Variants in SLIT3 observed in about 807,000 individuals in gnomAD.
SLIT3 encodes slit guidance ligand 3.
Under a neutral mutation model 184.0 loss-of-function variants are expected in SLIT3, and 68 were observed. The ratio of observed to expected loss-of-function variants is 0.37; its 90% CI spans 0.30 to 0.45. SLIT3 has a LOEUF of 0.45. SLIT3 is among the 20% of genes least tolerant of loss of function. The pLI, the probability that SLIT3 is intolerant of heterozygous loss-of-function variation, is 1.00. For missense variants in SLIT3, 1,707 were observed against 2,026.0 expected (o/e 0.84, Z 3.02); for synonymous variants, 831 against 828.6 (o/e 1.00, Z -0.05).
intron 3 of SLIT3, among the ~76,000 whole-genome samples, chr5:169,235,176 C>T (rs1459775133): frequency 1.3e-5 from 2 of 152,112 alleles, no homozygotes; most frequent in Non-Finnish European, 2.9e-5. Flanking sequence ...AACCTCTTTG[C>T]CTAACTCTCA....
chr5:168,935,705 T>C (rs1170753255), intron 4 of SLIT3, among the ~76,000 whole-genome samples: 4 of 152,196 alleles, frequency 2.6e-5, no homozygotes, highest in African/African-American at 7.2e-5. Context: ...AATAGGGATA[T>C]ATAGGATTAC....
chr5:168,746,936 TGTGTGAGTGTGGTG>T (rs1267579072), intron 20 of SLIT3, among the ~76,000 whole-genome samples: 2 of 125,300 alleles, frequency 1.6e-5, no homozygotes, highest in African/African-American at 6.2e-5. Context: ...TGGTGTGTGG[TGTGTGAGTGTGGTG>T]GTGTGGGTGT....
intron 4 of SLIT3, among the ~76,000 whole-genome samples, chr5:168,887,917 A>G (rs1760283364): frequency 1.3e-5 from 2 of 152,102 alleles, no homozygotes; most frequent in African/African-American, 4.8e-5. Context: ...AAATACGTAA[A>G]TGTTGCTGTA....
intron 23 of SLIT3, among the ~76,000 whole-genome samples, chr5:168,718,954 T>C (rs1762850669): frequency 6.6e-6 from 1 of 152,370 alleles, no homozygotes; most frequent in East Asian, 1.9e-4. Flanking sequence ...AATGTTCAAA[T>C]GCAGTTGCAG....
chr5:169,094,993 G>A (rs1013897275), intron 4 of SLIT3, among the ~76,000 whole-genome samples: 4 of 152,080 alleles, frequency 2.6e-5, no homozygotes, highest in African/African-American at 9.7e-5. Flanking sequence ...CATGACTCAC[G>A]GTCACCACCT....
intron 3 of SLIT3, among the ~76,000 whole-genome samples, chr5:169,221,860 C>T (rs1451914688): frequency 6.6e-6 from 1 of 152,196 alleles, no homozygotes; most frequent in African/African-American, 2.4e-5. Flanking sequence ...GTCAAGGTTG[C>T]AGAGATTGCT....
chr5:168,897,647 T>TGCACACAC lies in SLIT3; in HGVS notation c.414-14312_414-14311insGTGTGTGC, dbSNP rs3223457. 2.2e-3 allele frequency among the ~76,000 whole-genome samples: 306 copies of TGCACACAC among 141,392 alleles called. 1 individual carries two copies. The highest frequency in any genetic ancestry group is 3.5e-3 in the Middle Eastern group (1 of 282). 92.8% of individuals were successfully genotyped at this position (141,392 alleles called of 152,430 possible). The stretch of plus-strand genomic sequence containing the variant: ...GAAAGAGGATGGAGACAGGTGCACG[T>TGCACACAC]ACACACACACACACACACACACACA... On this transcript the variant is annotated intron_variant, in intron 4 of 35. Coordinates refer to ENST00000519560, the MANE Select transcript of SLIT3 (RefSeq NM_003062.4).
At chr5:168,789,725 T>C (rs1756288328) in intron 10 of SLIT3, 94 bp from the exon 11 acceptor site, 4 of 900,922 alleles carry the variant, frequency 4.4e-6, no homozygotes, top group Non-Finnish European at 7.2e-6. Context: ...ACATTCAAAA[T>C]GGTAAGGATT....
chr5:169,268,223 G>A (rs1054850188), intron 1 of SLIT3, among the ~76,000 whole-genome samples: 9 of 152,150 alleles, frequency 5.9e-5, no homozygotes, highest in African/African-American at 9.7e-5. Flanking sequence ...GAGGAGTGGC[G>A]GAGGGGGGAA....
At chr5:169,114,664 G>T (rs1760582762) in intron 4 of SLIT3, among the ~76,000 whole-genome samples, 1 of 152,308 alleles carries the variant, frequency 6.6e-6, no homozygotes, top group African/African-American at 2.4e-5. Flanking sequence ...CATGAGGAGG[G>T]AGGGAAACAG....
chr5:169,140,973 C>G (rs1042125573), intron 4 of SLIT3, among the ~76,000 whole-genome samples: 18 of 152,280 alleles, frequency 1.2e-4, no homozygotes, highest in Middle Eastern at 3.4e-3. Flanking sequence ...ATCTTCATGC[C>G]CTATGCAAAC....
Position 169,033,141 on chromosome 5 carries a change from T to G in SLIT3, c.414-149805A>C, listed in dbSNP as rs186623761. 2.0e-3 allele frequency among the ~76,000 whole-genome samples: 299 copies of G among 150,508 alleles called. 3 individuals carry two copies. The highest frequency in any genetic ancestry group is 7.0e-3 in the African/African-American group (281 of 40,080). The stretch of plus-strand genomic sequence containing the variant: ...GGTAATCACTGTTTTGTTCTCTATT[T>G]CTGTACAGTTGGGTTTTTGTTTGTT... On this transcript the variant is annotated intron_variant, in intron 4 of 35. Transcript: ENST00000519560.
intron 1 of SLIT3, among the ~76,000 whole-genome samples, chr5:169,252,823 C>CA (rs150519605): frequency 3.2e-4 from 48 of 152,138 alleles, no homozygotes; most frequent in Non-Finnish European, 5.3e-4. Context: ...ATAAAATGAA[C>CA]AGGAAAGGCA....
chr5:168,979,848 C>A (rs190298374), intron 4 of SLIT3, among the ~76,000 whole-genome samples: 3 of 152,178 alleles, frequency 2.0e-5, no homozygotes, highest in Non-Finnish European at 4.4e-5. Context: ...TCTATTTTAA[C>A]CTTCGTAGGT....
At position 169,056,139 on chromosome 5, in the gene SLIT3, G is replaced by T. The variant is rs550925735; in HGVS notation, c.413+137340C>A. Among the ~76,000 whole-genome samples the T allele has an allele frequency of 4.6e-5, 7 of 152,190 alleles. No individual in the cohort carries two copies. The South Asian group carries it at 6.2e-4, about 14-fold the overall frequency. On this transcript the variant is annotated intron_variant, in intron 4 of 35. Transcript: ENST00000519560. ...GGCTCGGAGGAGGCAGTGGAGTGGG[G>T]GTATAAAATCTTCTCCTCTCAGGTA...
chr5:168,685,816 G>A lies in SLIT3; in HGVS notation c.3426C>T (p.Thr1142=), dbSNP rs767819762. The A allele has an allele frequency of 1.2e-6, 2 of 1,613,962 alleles. No individual in the cohort carries two copies. Among genetic ancestry groups the A allele is most frequent in the Non-Finnish European group, 1.7e-6 (2 of 1,179,990 alleles). ...AQCIVVQQEP[T]CRCPPGFAGP... is the part of the protein sequence containing the mutation. Reference sequence around the variant, plus strand: ...CGGCGAAGCCTGGTGGGCAGCGGCAGGTGGGCTCCTGCTGCACCACGATGC... The same window carrying A: ...CGGCGAAGCCTGGTGGGCAGCGGCAAGTGGGCTCCTGCTGCACCACGATGC... The change falls in exon 31 of 36, where the codon ACC becomes ACT. Residue 1142 remains threonine, a synonymous_variant. Coordinates refer to ENST00000519560, the MANE Select transcript of SLIT3 (RefSeq NM_003062.4).
chr5:169,079,275 G>T (rs1392280316), intron 4 of SLIT3, among the ~76,000 whole-genome samples: 2 of 152,158 alleles, frequency 1.3e-5, no homozygotes, highest in Non-Finnish European at 2.9e-5. Context: ...TGAGGCTGTT[G>T]TTCCACACCT....
chr5:169,158,541 A>G (rs1762381221), intron 4 of SLIT3, among the ~76,000 whole-genome samples: 3 of 152,224 alleles, frequency 2.0e-5, no homozygotes, highest in Admixed American at 2.0e-4. Context: ...GAACAATGGA[A>G]AGAGTAAAAA....
intron 1 of SLIT3, among the ~76,000 whole-genome samples, chr5:169,298,763 C>T (rs868104105): frequency 5.9e-5 from 9 of 152,258 alleles, no homozygotes; most frequent in South Asian, 4.1e-4. Context: ...ACTAGCTGCA[C>T]GACCTTGAGT....
Sources: gnomAD v4.1 joint callset for allele counts (sites outside exome capture counted in the v4.1 genomes callset) on GRCh38, gnomAD v4.1.1 for gene constraint, MANE v1.5 for transcripts, NCBI Gene and HGNC (gene_info 2026-07-23, HGNC 2026-07-21) for gene names.